The following ABCD3 variants were observed in gnomAD, a reference collection of about 807,000 sequenced individuals.
ABCD3 encodes the protein ATP binding cassette subfamily D member 3.
ABCD3 carries 41 observed loss-of-function variants against 105.5 expected under a neutral mutation model. The ratio of observed to expected loss-of-function variants is 0.39; its 90% CI spans 0.30 to 0.50. The LOEUF is 0.50. Among genes scored for constraint, ABCD3 ranks in the 20% least tolerant of loss-of-function variants. The probability of loss-of-function intolerance (pLI) is 0.84; values close to 1 mark genes in which losing one functional copy is unlikely to be tolerated. For synonymous variants in ABCD3, 258 were observed against 269.0 expected (o/e 0.96, Z 0.40); for missense variants, 622 against 806.3 (o/e 0.77, Z 2.77).
chr1:94,393,808 C>T, the ABCD3 span, among the ~76,000 whole-genome samples: 1 of 152,146 alleles, frequency 6.6e-6, no homozygotes, highest in Non-Finnish European at 1.5e-5. Flanking sequence ...CCTATTATAG[C>T]ATCTATATCT....
intron 1 of ABCD3, among the ~76,000 whole-genome samples, chr1:94,438,282 TCACACA>T (rs143373197): frequency 2.6e-5 from 3 of 116,534 alleles, no homozygotes; most frequent in Non-Finnish European, 3.6e-5. Flanking sequence ...CAAGACTCCA[TCACACA>T]CACACACACA....
intron 3 of ABCD3, among the ~76,000 whole-genome samples, chr1:94,465,521 T>C (rs1007867335): frequency 1.3e-5 from 2 of 152,234 alleles, no homozygotes; most frequent in African/African-American, 4.8e-5. Flanking sequence ...GCTAGGGTAC[T>C]GCCATACAGC....
chr1:94,476,272 A>C (rs1415577848), intron 7 of ABCD3, among the ~76,000 whole-genome samples: 1 of 152,168 alleles, frequency 6.6e-6, no homozygotes, highest in African/African-American at 2.4e-5. Flanking sequence ...GATAGGCCTT[A>C]GTCAGTTTTC....
the ABCD3 span, among the ~76,000 whole-genome samples, chr1:94,402,661 C>G: frequency 6.6e-6 from 1 of 152,328 alleles, no homozygotes; most frequent in Admixed American, 6.5e-5. Context: ...CCTTCACGCT[C>G]TAATCTAAAA....
At chr1:94,475,806 A>T in intron 7 of ABCD3, 69 bp downstream of exon 7, 2 of 1,329,104 alleles carry the variant, frequency 1.5e-6, no homozygotes, top group Middle Eastern at 2.5e-4. Flanking sequence ...GCAAATTTAT[A>T]TAGAATTGAT....
intron 1 of ABCD3, 171 bp downstream of exon 1, chr1:94,418,759 A>G (rs1659127855): frequency 3.0e-6 from 2 of 675,430 alleles, no homozygotes; most frequent in South Asian, 3.7e-5. Flanking sequence ...AGTCCCCGCC[A>G]CGACGGCGTC....
chr1:94,494,862 T>C (rs1649720123), intron 16 of ABCD3, among the ~76,000 whole-genome samples: 1 of 152,138 alleles, frequency 6.6e-6, no homozygotes, highest in Non-Finnish European at 1.5e-5. Flanking sequence ...GCGGATTGCT[T>C]GAGCTCAGGA....
At chr1:94,454,804 A>G (rs1647463049) in intron 1 of ABCD3, among the ~76,000 whole-genome samples, 1 of 152,074 alleles carries the variant, frequency 6.6e-6, no homozygotes, top group South Asian at 2.1e-4. Context: ...GATGTACACC[A>G]CCATGCCCAG....
intron 3 of ABCD3, among the ~76,000 whole-genome samples, chr1:94,467,410 A>G (rs1648204739): frequency 6.6e-6 from 1 of 152,170 alleles, no homozygotes; most frequent in African/African-American, 2.4e-5. Context: ...TCATAACTAA[A>G]TTGAAAGCCC....
At chr1:94,503,903 A>G (rs1265041613) in intron 20 of ABCD3, among the ~76,000 whole-genome samples, 1 of 92,306 alleles carries the variant, frequency 1.1e-5, no homozygotes, top group Non-Finnish European at 2.3e-5. Context: ...GGTACAAGTG[A>G]TTCTTTTTTT....
chr1:94,443,327 G>A (rs1660202302), intron 1 of ABCD3, among the ~76,000 whole-genome samples: 1 of 151,820 alleles, frequency 6.6e-6, no homozygotes, highest in South Asian at 2.1e-4. Flanking sequence ...TTTTTTTCTT[G>A]TTGAGCTGAG....
chr1:94,395,319 A>G, the ABCD3 span, among the ~76,000 whole-genome samples: 2 of 152,198 alleles, frequency 1.3e-5, no homozygotes, highest in Non-Finnish European at 2.9e-5. Flanking sequence ...GTGACAAGAT[A>G]TAGGAAAACC....
intron 1 of ABCD3, among the ~76,000 whole-genome samples, chr1:94,429,834 C>G (rs1659605920): frequency 6.6e-6 from 1 of 152,236 alleles, no homozygotes; most frequent in Admixed American, 6.5e-5. Flanking sequence ...CACAGAATCC[C>G]TGCTGGGGCA....
At chr1:94,501,796 A>G (rs756789728) in intron 20 of ABCD3, among the ~76,000 whole-genome samples, 1 of 152,206 alleles carries the variant, frequency 6.6e-6, no homozygotes, top group Non-Finnish European at 1.5e-5. Context: ...TTATTTAAGT[A>G]TAAATTGGGC....
chr1:94,458,304 A>G (rs1473037409), intron 1 of ABCD3, among the ~76,000 whole-genome samples: 4 of 152,226 alleles, frequency 2.6e-5, no homozygotes, highest in Non-Finnish European at 4.4e-5. Context: ...CTATGATTCA[A>G]GGATGAAGAA....
At chr1:94,514,030 A>G (rs1650811740) in intron 21 of ABCD3, 1 of 152,082 alleles carries the variant, frequency 6.6e-6, no homozygotes, top group African/African-American at 2.4e-5. Flanking sequence ...TCTCATGGTA[A>G]AAATGATCTA....
intron 1 of ABCD3, among the ~76,000 whole-genome samples, chr1:94,449,900 G>A (rs757205563): frequency 3.9e-5 from 6 of 152,192 alleles, no homozygotes; most frequent in African/African-American, 9.7e-5. Flanking sequence ...GATATGGCCC[G>A]CTGTGGGAGC....
intron 21 of ABCD3, among the ~76,000 whole-genome samples, chr1:94,508,186 A>T (rs1223402173): frequency 6.6e-6 from 1 of 152,148 alleles, no homozygotes; most frequent in Non-Finnish European, 1.5e-5. Flanking sequence ...TAAGGAAGGG[A>T]TCCAGTTTTA....
the ABCD3 span, among the ~76,000 whole-genome samples, chr1:94,387,110 A>G: frequency 6.6e-6 from 1 of 152,170 alleles, no homozygotes; most frequent in African/African-American, 2.4e-5. Context: ...TTTTCCTGCT[A>G]AATATGCTTA....
Sources: gnomAD v4.1 joint callset for allele counts (sites outside exome capture counted in the v4.1 genomes callset) on GRCh38, gnomAD v4.1.1 for gene constraint, MANE v1.5 for transcripts, NCBI Gene and HGNC (gene_info 2026-07-23, HGNC 2026-07-21) for gene names.